The following DNAH11 variants were observed in gnomAD, a reference collection of about 807,000 sequenced individuals.
DNAH11 encodes dynein axonemal heavy chain 11, also known as axonemal beta dynein heavy chain 11.
A neutral mutation model predicts 526.0 loss-of-function variants in DNAH11; 442 were observed. The observed-to-expected ratio is 0.84, with a 90% CI of 0.78 to 0.91. DNAH11 has a LOEUF of 0.91. DNAH11 is among the 40% of genes least tolerant of loss of function. DNAH11 has a pLI of 0.00. For missense variants in DNAH11, 6,989 were observed against 5,448.7 expected (o/e 1.28, Z -8.90); for synonymous variants, 2,461 against 1,935.9 (o/e 1.27, Z -7.12).
intron 56 of DNAH11, among the ~76,000 whole-genome samples, chr7:21,774,244 T>C (rs1025676799): frequency 2.0e-5 from 3 of 152,210 alleles, no homozygotes; most frequent in Non-Finnish European, 4.4e-5. Flanking sequence ...GTGTGGGATA[T>C]TGAAGGGAGC....
intron 28 of DNAH11, among the ~76,000 whole-genome samples, chr7:21,643,100 G>A (rs1017446182): frequency 3.3e-5 from 5 of 152,182 alleles, no homozygotes; most frequent in Admixed American, 6.5e-5. Flanking sequence ...GTATTTGCAG[G>A]ATTCATTGAC....
chr7:21,617,520 T>A, intron 22 of DNAH11, 99 bp from the exon 23 acceptor site: 3 of 1,376,102 alleles, frequency 2.2e-6, no homozygotes, highest in Non-Finnish European at 3.0e-6. Context: ...CACTCTTTTC[T>A]AATCCAGGAG....
intron 8 of DNAH11, among the ~76,000 whole-genome samples, chr7:21,580,532 T>C (rs1290889852): frequency 6.6e-6 from 1 of 152,214 alleles, no homozygotes; most frequent in African/African-American, 2.4e-5. Flanking sequence ...GGGTAGCTTA[T>C]AAACAACAGA....
At chr7:21,736,797 C>G (rs116418490) in intron 46 of DNAH11, among the ~76,000 whole-genome samples, 39 of 152,098 alleles carry the variant, frequency 2.6e-4, no homozygotes, top group Middle Eastern at 3.4e-3. Context: ...GAGTCCAGCC[C>G]GGGCAATGTA....
intron 30 of DNAH11, among the ~76,000 whole-genome samples, chr7:21,673,662 T>TA (rs1562744641): frequency 6.6e-6 from 1 of 152,142 alleles, no homozygotes. Context: ...CATCAGTAAT[T>TA]AAACATGCCC....
Position 21,681,689 on chromosome 7 carries a change from G to C in DNAH11, c.5460+12G>C. On this transcript the variant is annotated intron_variant, in intron 31 of 81. Transcript: ENST00000409508. ...TTATTTCTCAGAAGGCAAGTTGTTT[G>C]TAGAAATTTTATGTATTCATTATTG... The C allele has an allele frequency of 6.2e-7, 1 of 1,613,770 alleles. No individual in the cohort carries two copies. The highest frequency in any genetic ancestry group is 8.5e-7 in the Non-Finnish European group (1 of 1,179,718).
intron 66 of DNAH11, among the ~76,000 whole-genome samples, chr7:21,849,918 CTTTT>C (rs1419220370): frequency 6.7e-6 from 1 of 150,020 alleles, no homozygotes; most frequent in Non-Finnish European, 1.5e-5. Flanking sequence ...TCATTTTTTT[CTTTT>C]TTCTCCTTGT....
intron 61 of DNAH11, among the ~76,000 whole-genome samples, chr7:21,795,286 A>G (rs941470123): frequency 4.6e-5 from 7 of 152,210 alleles, no homozygotes; most frequent in Non-Finnish European, 1.5e-5. Context: ...CCTAGTGGGT[A>G]CTGACCTTTG....
At chr7:21,842,062 G>A (rs996036566) in intron 65 of DNAH11, among the ~76,000 whole-genome samples, 2 of 152,060 alleles carry the variant, frequency 1.3e-5, no homozygotes, top group African/African-American at 2.4e-5. Flanking sequence ...AATATTAGAG[G>A]TGTTTGAGGC....
At chr7:21,856,989 A>G (rs1007971604) in intron 68 of DNAH11, among the ~76,000 whole-genome samples, 3 of 152,214 alleles carry the variant, frequency 2.0e-5, no homozygotes, top group Admixed American at 6.5e-5. Flanking sequence ...CGGTACAGTA[A>G]GACAATAGAA....
chr7:21,685,553 A>G (rs1251397502), intron 32 of DNAH11, among the ~76,000 whole-genome samples: 1 of 152,206 alleles, frequency 6.6e-6, no homozygotes, highest in East Asian at 1.9e-4. Context: ...TTCTTCCATT[A>G]TATTTCATTT....
chr7:21,674,562 C>T (rs910456982), intron 30 of DNAH11, among the ~76,000 whole-genome samples: 4 of 152,114 alleles, frequency 2.6e-5, no homozygotes, highest in African/African-American at 9.7e-5. Context: ...AGGGTTTCGC[C>T]ATGTTGACCA....
At chr7:21,827,001 G>A (rs57424418) in intron 65 of DNAH11, among the ~76,000 whole-genome samples, 34,187 of 152,166 alleles carry the variant, frequency 0.22, 4,927 homozygotes, top group African/African-American at 0.4. Flanking sequence ...GTTGTGGAGT[G>A]TGAAGTAATG....
chr7:21,879,869 G>C (rs1466444183), intron 74 of DNAH11, among the ~76,000 whole-genome samples: 1 of 152,126 alleles, frequency 6.6e-6, no homozygotes, highest in Admixed American at 6.5e-5. Flanking sequence ...TGGATCACCT[G>C]AGGACAGGAG....
intron 48 of DNAH11, among the ~76,000 whole-genome samples, 193 bp from the exon 49 acceptor site, chr7:21,741,734 T>G (rs1785908217): frequency 6.6e-6 from 1 of 152,098 alleles, no homozygotes; most frequent in South Asian, 2.1e-4. Context: ...TGACAACGAG[T>G]GGCACACTGT....
intron 42 of DNAH11, among the ~76,000 whole-genome samples, chr7:21,715,124 A>AT (rs1272417505): frequency 4.6e-5 from 7 of 152,196 alleles, no homozygotes; most frequent in Non-Finnish European, 8.8e-5. Context: ...AACGTCTGCC[A>AT]TTTTTCCAGG....
intron 2 of DNAH11, 105 bp downstream of exon 2, chr7:21,545,254 G>A: frequency 1.5e-6 from 1 of 672,438 alleles, no homozygotes. Flanking sequence ...AGGAGGGGAA[G>A]GGAAGGGGAT....
intron 9 of DNAH11, among the ~76,000 whole-genome samples, chr7:21,584,770 C>A (rs1784428559): frequency 6.6e-6 from 1 of 152,076 alleles, no homozygotes; most frequent in South Asian, 2.1e-4. Context: ...ACATGTTTCT[C>A]TTTGACAAAA....
In DNAH11 at chr7:21,702,806, C is replaced by A. The variant is rs1178427423; in HGVS notation, c.6273+4C>A. 6.2e-7 allele frequency: 1 copy of A among 1,610,554 alleles called. No individual in the cohort carries two copies. The highest frequency in any genetic ancestry group is 8.5e-7 in the Non-Finnish European group (1 of 1,177,782). ...TAAAAATAGACCCGAAGATCAGGTACTGCAATGCTAATATGATTTTGTTGA... is the reference window on the plus strand; with the variant it reads ...TAAAAATAGACCCGAAGATCAGGTAATGCAATGCTAATATGATTTTGTTGA... On this transcript the variant is annotated splice_donor_region_variant and intron_variant, in intron 37 of 81. Transcript: ENST00000409508.
Sources: gnomAD v4.1 joint callset for allele counts (sites outside exome capture counted in the v4.1 genomes callset) on GRCh38, gnomAD v4.1.1 for gene constraint, MANE v1.5 for transcripts, NCBI Gene and HGNC (gene_info 2026-07-23, HGNC 2026-07-21) for gene names.